SLC24A2: variants seen among roughly 807,000 people sequenced by gnomAD.
SLC24A2 encodes sodium/potassium/calcium exchanger 2.
SLC24A2 carries 36 observed loss-of-function variants against 62.0 expected under a neutral mutation model. The ratio of observed to expected loss-of-function variants is 0.58; its 90% CI spans 0.44 to 0.77. SLC24A2 has a LOEUF of 0.77. Among genes scored for constraint, SLC24A2 ranks in the 30% least tolerant of loss-of-function variants. The pLI is 0.00. For missense variants in SLC24A2, 846 were observed against 817.9 expected (o/e 1.03, Z -0.42); for synonymous variants, 358 against 294.0 (o/e 1.22, Z -2.23).
chr9:20,233,346 A>G, the SLC24A2 span, among the ~76,000 whole-genome samples: 1 of 151,962 alleles, frequency 6.6e-6, no homozygotes, highest in South Asian at 2.1e-4. Flanking sequence ...TCCCATTATT[A>G]TTGTGTGGGA....
chr9:20,013,333 G>A, the SLC24A2 span, among the ~76,000 whole-genome samples: 1 of 152,146 alleles, frequency 6.6e-6, no homozygotes, highest in Non-Finnish European at 1.5e-5. Context: ...TCAATAAATA[G>A]TGTTGGAAAA....
the SLC24A2 span, among the ~76,000 whole-genome samples, chr9:19,890,310 G>A: frequency 6.6e-6 from 1 of 152,282 alleles, no homozygotes; most frequent in African/African-American, 2.4e-5. Context: ...AGTAAATGAT[G>A]AAGGGAAGGA....
At chr9:19,748,495 A>G (rs886539441) in intron 2 of SLC24A2, among the ~76,000 whole-genome samples, 5 of 152,170 alleles carry the variant, frequency 3.3e-5, no homozygotes, top group Admixed American at 2.6e-4. Context: ...TTAATGAAAG[A>G]TCTGTGAGTC....
chr9:19,974,351 T>TA, the SLC24A2 span, among the ~76,000 whole-genome samples: 8 of 152,166 alleles, frequency 5.3e-5, no homozygotes, highest in African/African-American at 1.7e-4. Context: ...AAAATATCTA[T>TA]GATAGACAAT....
chr9:19,960,852 C>T, the SLC24A2 span, among the ~76,000 whole-genome samples: 1 of 152,134 alleles, frequency 6.6e-6, no homozygotes, highest in African/African-American at 2.4e-5. Context: ...ATATGTAAAG[C>T]TCTGAGCACA....
At chr9:19,576,430 C>T (rs1324926085) in intron 6 of SLC24A2, among the ~76,000 whole-genome samples, 1 of 152,166 alleles carries the variant, frequency 6.6e-6, no homozygotes, top group Non-Finnish European at 1.5e-5. Context: ...GAGGCAGCAT[C>T]ATCTCAAAAG....
In SLC24A2 at chr9:19,728,112, G is replaced by A. The variant is rs546385720; in HGVS notation, c.930+57825C>T. On this transcript the variant is annotated intron_variant, in intron 2 of 10. Coordinates refer to ENST00000341998, the MANE Select transcript of SLC24A2 (RefSeq NM_020344.4). The stretch of plus-strand genomic sequence containing the variant: ...GTGGAGGCCATGACCTTTCTGATCC[G>A]TAGTCAGACACATTATCCATGGCAC... Among the ~76,000 whole-genome samples, 8 of 152,216 alleles carry A rather than the reference G, an allele frequency of 5.3e-5. No individual in the cohort carries two copies. The South Asian group carries it at 6.2e-4, about 12-fold the overall frequency.
chr9:19,546,817 G>GAC (rs996306077), intron 8 of SLC24A2, among the ~76,000 whole-genome samples: 1 of 152,154 alleles, frequency 6.6e-6, no homozygotes, highest in Non-Finnish European at 1.5e-5. Context: ...TGAAACCCAG[G>GAC]ACACTGGAGG....
At chr9:20,176,907 T>TG in the SLC24A2 span, among the ~76,000 whole-genome samples, 1 of 48,756 alleles carries the variant, frequency 2.1e-5, no homozygotes, top group Non-Finnish European at 4.7e-5. Flanking sequence ...TTATCTAAAG[T>TG]GTGAGGATGG....
the SLC24A2 span, among the ~76,000 whole-genome samples, chr9:19,923,152 C>T: frequency 5.3e-5 from 8 of 152,034 alleles, no homozygotes; most frequent in Non-Finnish European, 1.2e-4. Context: ...CTGGCACACA[C>T]TAGGGAGGTC....
chr9:19,566,134 G>C (rs1182361141), intron 7 of SLC24A2, among the ~76,000 whole-genome samples: 1 of 152,056 alleles, frequency 6.6e-6, no homozygotes, highest in South Asian at 2.1e-4. Flanking sequence ...TTAAACTAAG[G>C]AGCTTCTGCA....
At chr9:20,028,612 G>A in the SLC24A2 span, among the ~76,000 whole-genome samples, 1 of 152,142 alleles carries the variant, frequency 6.6e-6, no homozygotes, top group South Asian at 2.1e-4. Flanking sequence ...GCCTTCCATA[G>A]AAACGTGCCA....
chr9:19,592,469 T>G (rs1258071768), intron 5 of SLC24A2, among the ~76,000 whole-genome samples: 3 of 151,282 alleles, frequency 2.0e-5, no homozygotes, highest in Admixed American at 1.3e-4. Flanking sequence ...AGTTGGGATA[T>G]CTACCGACCT....
intron 2 of SLC24A2, among the ~76,000 whole-genome samples, chr9:19,695,070 G>C (rs1820147269): frequency 1.3e-5 from 2 of 149,634 alleles, no homozygotes; most frequent in South Asian, 4.4e-4. Flanking sequence ...GTTCTAACTG[G>C]AATGGGGCGG....
chr9:20,065,223 C>G, the SLC24A2 span, among the ~76,000 whole-genome samples: 97 of 152,342 alleles, frequency 6.4e-4, no homozygotes, highest in Non-Finnish European at 1.3e-3. Flanking sequence ...CGAGTGGCCC[C>G]ACTTCCTCTC....
chr9:20,087,936 G>C, the SLC24A2 span, among the ~76,000 whole-genome samples: 4 of 152,248 alleles, frequency 2.6e-5, no homozygotes, highest in Admixed American at 6.5e-5. Flanking sequence ...AGCGATCCGG[G>C]GACCCATGCT....
chr9:19,827,207 TTTGGTCTGTC>T, the SLC24A2 span, among the ~76,000 whole-genome samples: 4 of 152,110 alleles, frequency 2.6e-5, no homozygotes, highest in Admixed American at 6.6e-5. Context: ...GTGCATCAGC[TTTGGTCTGTC>T]GTCTCCCAAC....
the SLC24A2 span, among the ~76,000 whole-genome samples, chr9:19,978,549 A>C: frequency 1.3e-5 from 2 of 152,120 alleles, no homozygotes; most frequent in African/African-American, 2.4e-5. Context: ...GCAACTGACC[A>C]ATGTCATGTT....
chr9:19,762,087 C>G (rs1047156055), intron 2 of SLC24A2, among the ~76,000 whole-genome samples: 10 of 152,158 alleles, frequency 6.6e-5, no homozygotes, highest in African/African-American at 2.4e-4. Context: ...AACTAGTTTA[C>G]AGTCCCACCA....
Sources: allele counts gnomAD v4.1 joint callset (sites outside exome capture counted in the v4.1 genomes callset), GRCh38; gene constraint gnomAD v4.1.1; transcripts MANE v1.5; gene names NCBI Gene and HGNC (gene_info 2026-07-23, HGNC 2026-07-21).